The following SPEF2 variants were observed in gnomAD, a reference collection of about 807,000 sequenced individuals.
SPEF2 encodes the protein sperm flagellar and cilia associated 2.
In SPEF2, 187 loss-of-function variants were observed where a neutral mutation model predicts 224.6. That is an observed-to-expected ratio of 0.83 (90% CI 0.74 to 0.94). SPEF2 has a LOEUF of 0.94. Among genes scored for constraint, SPEF2 ranks in the 40% least tolerant of loss-of-function variants. SPEF2 has a pLI of 0.00. For missense variants in SPEF2, 2,170 were observed against 2,135.6 expected, an observed-to-expected ratio of 1.02 and a Z score of -0.32; for synonymous variants, 715 against 707.3, an observed-to-expected ratio of 1.01 and a Z score of -0.17.
Position 35,800,569 on chromosome 5 carries a change from C to T in SPEF2, c.5010+422C>T, listed in dbSNP as rs184967394. ...CTTGGTAGTGTTTCAGACCAAAGCCCGGCCACTGGAAACCTGCATTTCATA... is the reference window on the plus strand; with the variant it reads ...CTTGGTAGTGTTTCAGACCAAAGCCTGGCCACTGGAAACCTGCATTTCATA... On this transcript the variant is annotated intron_variant, in intron 34 of 36. Coordinates refer to ENST00000356031, the MANE Select transcript of SPEF2 (RefSeq NM_024867.4). 7.9e-4 allele frequency among the ~76,000 whole-genome samples: 120 copies of T among 152,244 alleles called. 1 individual carries two copies. Among genetic ancestry groups the T allele is most frequent in the Admixed American group, 1.6e-3 (25 of 15,292 alleles).
intron 2 of SPEF2, among the ~76,000 whole-genome samples, chr5:35,628,812 G>A (rs568324035): frequency 3.4e-4 from 52 of 152,018 alleles, no homozygotes; most frequent in Admixed American, 5.9e-4. Flanking sequence ...GGCTGGTCTT[G>A]AACTCCTGGG....
At chr5:35,799,902 T>A (rs1383784681) in intron 33 of SPEF2, 66 bp from the exon 34 acceptor site, 1 of 1,562,478 alleles carries the variant, frequency 6.4e-7, no homozygotes, top group Non-Finnish European at 8.7e-7. Context: ...AGATTCTTCA[T>A]TGCATGACTA....
At chr5:35,669,427 C>T (rs566738380) in intron 9 of SPEF2, among the ~76,000 whole-genome samples, 25 of 152,072 alleles carry the variant, frequency 1.6e-4, no homozygotes, top group Non-Finnish European at 3.2e-4. Flanking sequence ...CTGGAACCAA[C>T]AAGTTAAGTT....
chr5:35,704,505 G>A (rs1490576066), intron 16 of SPEF2, 49 bp from the exon 17 acceptor site: 10 of 1,275,886 alleles, frequency 7.8e-6, no homozygotes, highest in Non-Finnish European at 1.1e-5. Flanking sequence ...GCAGTAAGTA[G>A]CAACTTTGGT....
chr5:35,693,054 G>A (rs1331687362), intron 12 of SPEF2, among the ~76,000 whole-genome samples: 1 of 152,092 alleles, frequency 6.6e-6, no homozygotes, highest in Non-Finnish European at 1.5e-5. Context: ...ATTCTCCCAA[G>A]GAAAGAGCCA....
chr5:35,709,331 AC>A (rs1340002648), intron 19 of SPEF2: 3 of 1,384,692 alleles, frequency 2.2e-6, no homozygotes, highest in Non-Finnish European at 2.8e-6. Flanking sequence ...GTAGGAGGAG[AC>A]ATGGAGTCAT....
intron 30 of SPEF2, among the ~76,000 whole-genome samples, chr5:35,783,922 T>A (rs1308960451): frequency 6.6e-6 from 1 of 152,178 alleles, no homozygotes; most frequent in African/African-American, 2.4e-5. Context: ...TGTAAGCCCA[T>A]CGGTACTCAA....
chr5:35,771,434 C>A (rs1752840717), intron 26 of SPEF2, among the ~76,000 whole-genome samples, 175 bp from the exon 27 acceptor site: 1 of 152,076 alleles, frequency 6.6e-6, no homozygotes. Context: ...TGGGACAGGG[C>A]CAGGTTTCCA....
chr5:35,709,132 G>A lies in SPEF2; in HGVS notation c.2839+11G>A. 1 of 1,607,114 alleles carries A rather than the reference G, an allele frequency of 6.2e-7. No homozygotes were observed. The highest frequency in any genetic ancestry group is 1.1e-5 in the South Asian group (1 of 89,240). On this transcript the variant is annotated intron_variant, in intron 19 of 36. Transcript: ENST00000356031. ...GAAAACCTCAATCAGGTGATTGACA[G>A]AATGATTTATAATCCTGTTTTCAGT...
intron 9 of SPEF2, among the ~76,000 whole-genome samples, chr5:35,667,900 C>G (rs939378112): frequency 6.6e-6 from 1 of 151,846 alleles, no homozygotes; most frequent in Admixed American, 6.6e-5. Flanking sequence ...GACAAATACA[C>G]AAGTAAAAAA....
chr5:35,625,714 C>T (rs879757458), intron 1 of SPEF2, among the ~76,000 whole-genome samples: 1 of 152,080 alleles, frequency 6.6e-6, no homozygotes, highest in Non-Finnish European at 1.5e-5. Flanking sequence ...AGGGAAGAGG[C>T]AGACAGAAGA....
intron 30 of SPEF2, among the ~76,000 whole-genome samples, chr5:35,787,635 A>G (rs977814410): frequency 2.0e-5 from 3 of 152,202 alleles, no homozygotes; most frequent in Admixed American, 6.5e-5. Context: ...TTATCCATGC[A>G]ACGGTGATAA....
intron 9 of SPEF2, among the ~76,000 whole-genome samples, chr5:35,667,491 A>G (rs1380231800): frequency 6.6e-6 from 1 of 152,160 alleles, no homozygotes; most frequent in African/African-American, 2.4e-5. Context: ...AAAGTGGATC[A>G]TAGACTTAAA....
intron 18 of SPEF2, 40 bp from the exon 19 acceptor site, chr5:35,708,908 G>A (rs1204090666): frequency 6.5e-7 from 1 of 1,526,836 alleles, no homozygotes; most frequent in Non-Finnish European, 8.9e-7. Flanking sequence ...TAGATTTCTA[G>A]AGTCTCTAAT....
rs147357482 is a variant in SPEF2, at chr5:35,708,877, C to A, written c.2666-71C>A. The A allele has an allele frequency of 4.7e-5, 63 of 1,347,958 alleles. No homozygotes were observed. The African/African-American group carries it at 7.0e-4, about 15-fold the overall frequency. 83.5% of individuals were successfully genotyped at this position (1,347,958 alleles called of 1,614,324 possible). A position where few individuals can be genotyped will look rare whatever the true frequency, so the allele number is the denominator to read the frequency against. ...GATTGTTTTATATTAATTTAGATTT[C>A]TCTTAGTTCAAGTGAAATAGTAGAT... On this transcript the variant is annotated intron_variant, in intron 18 of 36. Coordinates refer to ENST00000356031, the MANE Select transcript of SPEF2 (RefSeq NM_024867.4).
chr5:35,642,397 C>T (rs1009070870), intron 3 of SPEF2, among the ~76,000 whole-genome samples: 3 of 152,158 alleles, frequency 2.0e-5, no homozygotes, highest in African/African-American at 7.2e-5. Context: ...CAGCCCAGTA[C>T]ACACGGGTAG....
In SPEF2 at chr5:35,691,205, T is replaced by C. The variant is rs369816083; in HGVS notation, c.1693T>C (p.Leu565=). The C allele has an allele frequency of 2.0e-5, 32 of 1,614,038 alleles. No homozygotes were observed. In the Middle Eastern group the frequency reaches 2.0e-3, roughly 100 times the overall value. The part of the protein sequence containing the change: ...LPSFAVKGCL[L]GKTLSGKTTI... ...TTCATTTGCTGTTAAAGGATGCTTA[T>C]TGGGGAAAACATTAAGTGGAAAAAC... The change falls in exon 11 of 37, where the codon TTG becomes CTG. Residue 565 remains leucine, a synonymous_variant. Coordinates refer to ENST00000356031, the MANE Select transcript of SPEF2 (RefSeq NM_024867.4).
chr5:35,789,388 G>A (rs1262203062), intron 30 of SPEF2: 3 of 703,106 alleles, frequency 4.3e-6, no homozygotes, highest in Admixed American at 2.0e-5. Context: ...GAGAGGTTGG[G>A]ATGATCTGAG....
Position 35,807,111 on chromosome 5 carries a change from AT to A in SPEF2, c.5257-12del, listed in dbSNP as rs754729243. On this transcript the variant is annotated intron_variant, in intron 35 of 36. Coordinates refer to ENST00000356031, the MANE Select transcript of SPEF2 (RefSeq NM_024867.4). ...CTGGATTGTGAGGTTGATTAACTTC[AT>A]TTTTTTTCTTCCTTAAAGGGCTTCA... The A allele has an allele frequency of 4.4e-6, 7 of 1,597,580 alleles. No individual in the cohort carries two copies. Among genetic ancestry groups the A allele is most frequent in the Non-Finnish European group, 6.0e-6 (7 of 1,175,976 alleles).
Sources: gnomAD v4.1 joint callset for allele counts (sites outside exome capture counted in the v4.1 genomes callset) on GRCh38, gnomAD v4.1.1 for gene constraint, MANE v1.5 for transcripts, NCBI Gene and HGNC (gene_info 2026-07-23, HGNC 2026-07-21) for gene names.